The following QTGAL variants were observed in gnomAD, a reference collection of about 807,000 sequenced individuals.
QTGAL encodes queuosine-tRNA galactosyltransferase.
chr17:83,040,372 A>T, the QTGAL span, among the ~76,000 whole-genome samples: 1 of 152,084 alleles, frequency 6.6e-6, no homozygotes, highest in Non-Finnish European at 1.5e-5. Flanking sequence ...AGGCAGGCAT[A>T]TTTTTTTCAA....
the QTGAL span, among the ~76,000 whole-genome samples, chr17:82,995,848 T>C: frequency 1.3e-5 from 2 of 151,570 alleles, no homozygotes; most frequent in Non-Finnish European, 2.9e-5. Flanking sequence ...TGCAAGAAAT[T>C]AAAGAAGAGT....
chr17:82,956,548 G>C, the QTGAL span: 1 of 922,044 alleles, frequency 1.1e-6, no homozygotes, highest in Non-Finnish European at 1.6e-6. This position sits in a 1 kb window ranked among gnomAD's most constrained non-coding sequence, Gnocchi z 5.7. Context: ...TGGTGCTGTT[G>C]TGGACGGCTG....
chr17:83,021,032 C>T, the QTGAL span, among the ~76,000 whole-genome samples: 1 of 152,320 alleles, frequency 6.6e-6, no homozygotes, highest in East Asian at 1.9e-4. Flanking sequence ...GCTGTACGTA[C>T]ATTTGTGCCC....
At chr17:83,007,430 G>T in the QTGAL span, among the ~76,000 whole-genome samples, 1 of 152,178 alleles carries the variant, frequency 6.6e-6, no homozygotes, top group Non-Finnish European at 1.5e-5. Context: ...TTTGACTGCT[G>T]AACAGAAAAG....
the QTGAL span, among the ~76,000 whole-genome samples, chr17:83,016,678 G>A: frequency 2.1e-5 from 3 of 142,756 alleles, no homozygotes; most frequent in Admixed American, 6.9e-5. Flanking sequence ...AGGGAAGTGG[G>A]GGTTGGGGAG....
the QTGAL span, among the ~76,000 whole-genome samples, chr17:83,040,294 T>C: frequency 7.9e-5 from 12 of 152,296 alleles, no homozygotes; most frequent in Non-Finnish European, 1.3e-4. Context: ...CTAAAATCTG[T>C]AGGAACCCGT....
At chr17:83,004,641 G>A in the QTGAL span, among the ~76,000 whole-genome samples, 4 of 146,016 alleles carry the variant, frequency 2.7e-5, no homozygotes, top group Admixed American at 1.3e-4. Flanking sequence ...TCCGCACTCC[G>A]CGTGTGGGAT....
the QTGAL span, among the ~76,000 whole-genome samples, chr17:82,954,089 A>G: frequency 6.6e-6 from 1 of 152,216 alleles, no homozygotes; most frequent in Non-Finnish European, 1.5e-5. Flanking sequence ...CTGGCACAAG[A>G]CAAGGATGGC....
the QTGAL span, among the ~76,000 whole-genome samples, chr17:82,997,736 G>C: frequency 6.6e-6 from 1 of 152,004 alleles, no homozygotes; most frequent in African/African-American, 2.4e-5. Flanking sequence ...GACGGCACTG[G>C]GGGGTCATTA....
chr17:82,961,588 A>G, the QTGAL span, among the ~76,000 whole-genome samples: 1 of 152,150 alleles, frequency 6.6e-6, no homozygotes, highest in Non-Finnish European at 1.5e-5. Flanking sequence ...CCAGAAGCTC[A>G]AGGGACTCAA....
At chr17:82,955,794 T>C in the QTGAL span, among the ~76,000 whole-genome samples, 9,822 of 152,136 alleles carry the variant, frequency 0.065, 591 homozygotes, top group African/African-American at 0.15. Flanking sequence ...ATGGCACATA[T>C]AGCCCATGGA....
chr17:83,033,107 A>G, the QTGAL span, among the ~76,000 whole-genome samples: 1 of 152,262 alleles, frequency 6.6e-6, no homozygotes, highest in Non-Finnish European at 1.5e-5. Context: ...GGACAGATAC[A>G]GATAAATGTT....
At chr17:82,950,739 T>A in the QTGAL span, among the ~76,000 whole-genome samples, 7 of 152,236 alleles carry the variant, frequency 4.6e-5, no homozygotes, top group Non-Finnish European at 1.0e-4. Context: ...GAACCCCTCG[T>A]ACATCAGCCT....
the QTGAL span, among the ~76,000 whole-genome samples, chr17:83,007,583 G>A: frequency 6.6e-6 from 1 of 152,086 alleles, no homozygotes; most frequent in African/African-American, 2.4e-5. Flanking sequence ...GTGGGCGACA[G>A]GTGAGTACAC....
At chr17:83,013,180 A>C in the QTGAL span, among the ~76,000 whole-genome samples, 1 of 151,684 alleles carries the variant, frequency 6.6e-6, no homozygotes, top group African/African-American at 2.4e-5. Context: ...ATGTGCCCCC[A>C]CAGAAGGCCC....
At chr17:82,971,308 G>A in the QTGAL span, among the ~76,000 whole-genome samples, 5 of 152,212 alleles carry the variant, frequency 3.3e-5, no homozygotes, top group Admixed American at 6.5e-5. Context: ...CACAGACACC[G>A]TGAGGACGGA....
At chr17:82,992,397 G>C in the QTGAL span, among the ~76,000 whole-genome samples, 2 of 152,170 alleles carry the variant, frequency 1.3e-5, no homozygotes, top group Admixed American at 1.3e-4. Flanking sequence ...TCATGCCTAG[G>C]AGAGGATGGC....
At chr17:83,028,522 CAA>C in the QTGAL span, among the ~76,000 whole-genome samples, 15 of 52,254 alleles carry the variant, frequency 2.9e-4, no homozygotes, top group Non-Finnish European at 2.9e-4. Flanking sequence ...GACTCCATCT[CAA>C]AAAAAAAAAA....
chr17:83,048,400 A>G, the QTGAL span: 1 of 1,346,534 alleles, frequency 7.4e-7, no homozygotes. Flanking sequence ...GAACAACATG[A>G]AACTGTTTCG....
Sources: gnomAD v4.1 joint callset for allele counts (sites outside exome capture counted in the v4.1 genomes callset) on GRCh38, gnomAD v4.1.1 for gene constraint, Gnocchi (gnomAD v3.1) non-coding constraint, MANE v1.5 for transcripts, NCBI Gene and HGNC (gene_info 2026-07-23, HGNC 2026-07-21) for gene names.